ATP8B1: variants seen among roughly 807,000 people sequenced by gnomAD.
The protein encoded by ATP8B1 is phospholipid-transporting ATPase IC.
ATP8B1 carries 80 observed loss-of-function variants against 149.9 expected under a neutral mutation model. That is an observed-to-expected ratio of 0.53 (90% CI 0.45 to 0.64). The LOEUF (loss-of-function observed/expected upper bound fraction) is 0.64. ATP8B1 is among the 30% of genes least tolerant of loss of function. The pLI, the probability that ATP8B1 is intolerant of heterozygous loss-of-function variation, is 0.00. For missense variants in ATP8B1, 1,247 were observed against 1,552.6 expected (o/e 0.80, Z 3.31); for synonymous variants, 536 against 562.8 (o/e 0.95, Z 0.67).
At chr18:57,777,178 A>G (rs1342823918) in intron 1 of ATP8B1, among the ~76,000 whole-genome samples, 4 of 151,992 alleles carry the variant, frequency 2.6e-5, no homozygotes, top group African/African-American at 9.7e-5. Context: ...GGATTTCGCT[A>G]TGTTTCCCAG....
chr18:57,739,845 G>A (rs919424177), intron 1 of ATP8B1, among the ~76,000 whole-genome samples: 7 of 152,148 alleles, frequency 4.6e-5, no homozygotes, highest in African/African-American at 1.7e-4. Flanking sequence ...CCCTCTAGTA[G>A]GGTACTGAAG....
intron 1 of ATP8B1, among the ~76,000 whole-genome samples, chr18:57,774,603 T>TAAATA (rs112233858): frequency 0.26 from 38,844 of 151,668 alleles, 7,184 homozygotes; most frequent in East Asian, 0.9. Flanking sequence ...ATCTCAAAAA[T>TAAATA]AAATAAAATT....
chr18:57,759,942 G>A (rs2123319602), intron 1 of ATP8B1, among the ~76,000 whole-genome samples: 1 of 152,176 alleles, frequency 6.6e-6, no homozygotes, highest in South Asian at 2.1e-4. Flanking sequence ...ACTGGCAATT[G>A]CTACCACCCT....
intron 1 of ATP8B1, among the ~76,000 whole-genome samples, chr18:57,760,978 G>A (rs1050169205): frequency 6.7e-6 from 1 of 148,766 alleles, no homozygotes; most frequent in Admixed American, 6.8e-5. Flanking sequence ...AACAGAGCGA[G>A]ACTCTGTCTC....
intron 1 of ATP8B1, among the ~76,000 whole-genome samples, chr18:57,790,252 T>C (rs2080450306): frequency 6.6e-6 from 1 of 151,954 alleles, no homozygotes; most frequent in East Asian, 1.9e-4. Context: ...TCATGGACAC[T>C]GCAGCAGCCT....
At chr18:57,657,244 A>ATT (rs149652508) in intron 22 of ATP8B1, among the ~76,000 whole-genome samples, 1 of 150,392 alleles carries the variant, frequency 6.6e-6, no homozygotes, top group Non-Finnish European at 1.5e-5. Context: ...ACCTTAAGAC[A>ATT]TTTTTTTTTT....
intron 2 of ATP8B1, among the ~76,000 whole-genome samples, 166 bp from the exon 3 acceptor site, chr18:57,706,753 G>GTCA (rs1225417032): frequency 6.6e-6 from 1 of 152,162 alleles, no homozygotes; most frequent in Admixed American, 6.6e-5. Flanking sequence ...TTAAAGTGAA[G>GTCA]TCATTAGAGA....
rs566728161 is a variant in ATP8B1 at position 57,759,155 on chromosome 18, C to CAAAAAAAAAAAAAAAAAAAAAAA, written c.-25-27346_-25-27324dup. ...TGGGCGACAGAACGAGATTCCATCT[C>CAAAAAAAAAAAAAAAAAAAAAAA]AAAAAAAAAAAAAAAAAAAAAAAAA... On this transcript the variant is annotated intron_variant, in intron 1 of 27. Transcript: ENST00000648908. Among the ~76,000 whole-genome samples, 112 of 106,272 alleles carry CAAAAAAAAAAAAAAAAAAAAAAA rather than the reference C, an allele frequency of 1.1e-3. 3 individuals are homozygous for CAAAAAAAAAAAAAAAAAAAAAAA. The highest frequency in any genetic ancestry group is 1.7e-3 in the Non-Finnish European group (90 of 54,016). The allele number at this position is 106,272 out of a possible 152,430, so 69.7% of individuals were successfully genotyped here.
rs569283254 is a variant in ATP8B1 at position 57,797,306 on chromosome 18, C to T, written c.-26+5692G>A. On this transcript the variant is annotated intron_variant, in intron 1 of 27. Coordinates refer to ENST00000648908, the MANE Select transcript of ATP8B1 (RefSeq NM_001374385.1). Reference sequence around the variant, plus strand: ...CCACTCAGCAACAAAGTAACAAAGCCATAAATGACAGCCCTGTCAATAAAG... The same window carrying T: ...CCACTCAGCAACAAAGTAACAAAGCTATAAATGACAGCCCTGTCAATAAAG... Among the ~76,000 whole-genome samples, 3 of 152,316 alleles carry T rather than the reference C, an allele frequency of 2.0e-5. No individual in the cohort carries two copies. In the South Asian group the frequency reaches 6.2e-4, roughly 32 times the overall value.
chr18:57,720,000 C>T (rs1011875739), intron 2 of ATP8B1, among the ~76,000 whole-genome samples: 10 of 151,906 alleles, frequency 6.6e-5, no homozygotes, highest in Admixed American at 2.0e-4. Context: ...ACACCTCACA[C>T]GGCAGGGTAT....
chr18:57,740,097 T>G (rs1026513617), intron 1 of ATP8B1, among the ~76,000 whole-genome samples: 2 of 152,136 alleles, frequency 1.3e-5, no homozygotes, highest in Non-Finnish European at 2.9e-5. Flanking sequence ...TTTTGTTTGT[T>G]TGTTTGTTTT....
At chr18:57,677,547 A>T (rs1911671738) in intron 15 of ATP8B1, among the ~76,000 whole-genome samples, 2 of 125,778 alleles carry the variant, frequency 1.6e-5, no homozygotes, top group African/African-American at 5.8e-5. Context: ...AGAGAGCTAA[A>T]CACACCTTCC....
At chr18:57,702,293 C>T (rs1426168815) in intron 4 of ATP8B1, among the ~76,000 whole-genome samples, 1 of 152,202 alleles carries the variant, frequency 6.6e-6, no homozygotes, top group Non-Finnish European at 1.5e-5. Context: ...CATAACCATC[C>T]TCCTGATCAC....
At position 57,701,085 on chromosome 18, in the gene ATP8B1, C is replaced by T. The variant is rs571233811; in HGVS notation, c.508G>A (p.Asp170Asn). The change falls in exon 6 of 28, where the codon GAT (aspartate) becomes AAT (asparagine). Residue 170 changes from aspartate to asparagine, a missense_variant. By Grantham distance (23) the Asp-to-Asn change is conservative (BLOSUM62 1). This residue lies in a region of ATP8B1 where 853 missense variants were observed against 1,035.7 expected (regional missense o/e 0.82). Transcript: ENST00000648908. Reference sequence around the variant, plus strand: ...CACGTCCTATTGTTGATTTCCTTATCCATTTTATGGCGAGCCTTGAGAAGG... The same window carrying T: ...CACGTCCTATTGTTGATTTCCTTATTCATTTTATGGCGAGCCTTGAGAAGG... ...LVDDVARHKM[D>N]KEINNRTCEV... The T allele has an allele frequency of 1.2e-6, 2 of 1,614,166 alleles. No homozygotes were observed. The highest frequency in any genetic ancestry group is 2.2e-5 in the South Asian group (2 of 91,080).
chr18:57,724,129 C>T (rs1158334149), intron 2 of ATP8B1, among the ~76,000 whole-genome samples: 1 of 151,022 alleles, frequency 6.6e-6, no homozygotes, highest in African/African-American at 2.4e-5. Context: ...AAACGTTAGA[C>T]CTAAAACCAT....
At chr18:57,663,496 G>A (rs1285743605) in intron 20 of ATP8B1, among the ~76,000 whole-genome samples, 1 of 152,070 alleles carries the variant, frequency 6.6e-6, no homozygotes, top group Non-Finnish European at 1.5e-5. Flanking sequence ...GAAATTTTTT[G>A]AAACATCACC....
intron 4 of ATP8B1, among the ~76,000 whole-genome samples, chr18:57,703,436 G>GGC (rs1425531338): frequency 6.6e-6 from 1 of 152,052 alleles, no homozygotes. Context: ...TGGGCGTGGT[G>GGC]GCTGGCAACT....
chr18:57,744,605 A>G (rs2079948492), intron 1 of ATP8B1, among the ~76,000 whole-genome samples: 1 of 152,186 alleles, frequency 6.6e-6, no homozygotes, highest in Admixed American at 6.5e-5. Context: ...CTTAGTTGTT[A>G]GGGACAATGG....
chr18:57,695,101 C>A, intron 10 of ATP8B1, 70 bp downstream of exon 10: 2 of 1,324,492 alleles, frequency 1.5e-6, no homozygotes, highest in Non-Finnish European at 2.1e-6. Flanking sequence ...GGACAAAGGA[C>A]AGAAAAGCAA....
Sources: allele counts gnomAD v4.1 joint callset (sites outside exome capture counted in the v4.1 genomes callset), GRCh38; gene constraint gnomAD v4.1.1; regional missense constraint gnomAD v4.1.1; transcripts MANE v1.5; gene names NCBI Gene and HGNC (gene_info 2026-07-23, HGNC 2026-07-21).